SLC26A5: variants seen among roughly 807,000 people sequenced by gnomAD.
The protein encoded by SLC26A5 is prestin.
Under a neutral mutation model 81.0 loss-of-function variants are expected in SLC26A5, and 51 were observed. That is an observed-to-expected ratio of 0.63 (90% CI 0.50 to 0.80). The LOEUF (loss-of-function observed/expected upper bound fraction) is 0.80. SLC26A5 is among the 30% of genes least tolerant of loss of function. SLC26A5 has a pLI of 0.00. For missense variants in SLC26A5, 771 were observed against 905.8 expected (o/e 0.85, Z 1.91); for synonymous variants, 325 against 332.8 (o/e 0.98, Z 0.25).
intron 19 of SLC26A5, among the ~76,000 whole-genome samples, chr7:103,353,692 G>A (rs1417230424): frequency 1.7e-4 from 26 of 152,134 alleles, no homozygotes; most frequent in Admixed American, 1.7e-3. Context: ...TATAAAATAG[G>A]TCATCACGTA....
At chr7:103,385,503 C>T (rs919416931) in intron 14 of SLC26A5, among the ~76,000 whole-genome samples, 1 of 152,052 alleles carries the variant, frequency 6.6e-6, no homozygotes, top group East Asian at 1.9e-4. Context: ...ACCTCTACCC[C>T]TCTCCAGAAG....
chr7:103,377,920 T>C, intron 17 of SLC26A5, 121 bp from the exon 18 acceptor site: 1 of 890,632 alleles, frequency 1.1e-6, no homozygotes. Flanking sequence ...ACCAGACCCC[T>C]TGTAAAATAT....
intron 2 of SLC26A5, among the ~76,000 whole-genome samples, chr7:103,439,325 G>A (rs1826696432): frequency 6.6e-6 from 1 of 152,154 alleles, no homozygotes; most frequent in Non-Finnish European, 1.5e-5. Context: ...AGAGAACACA[G>A]GCTGCTGCTG....
chr7:103,355,746 T>C (rs1391038158), intron 19 of SLC26A5: 6 of 1,613,992 alleles, frequency 3.7e-6, no homozygotes, highest in Non-Finnish European at 5.1e-6. Flanking sequence ...GGGATTTGGC[T>C]GCAGATAAGC....
In SLC26A5 at chr7:103,410,461, T is replaced by A. The variant is rs890024187; in HGVS notation, c.659A>T (p.His220Leu). Residue 220 changes from histidine (H) to leucine (L), a missense_variant, in exon 7 of 20, where the codon CAT becomes CTT. Transcript: ENST00000306312. ...ATATTTTAACATGGAGGTGAAGACA[T>A]GCACAGCTGCTGCGGTGGTAAACCC... ...VRGFTTAAAV[H>L]VFTSMLKYLF... is the part of the protein sequence containing the mutation. 4 of 1,613,918 alleles carry A rather than the reference T, an allele frequency of 2.5e-6. No individual in the cohort carries two copies. Among genetic ancestry groups the A allele is most frequent in the Non-Finnish European group, 3.4e-6 (4 of 1,179,954 alleles).
At chr7:103,368,096 A>G (rs1398007627) in intron 19 of SLC26A5, 16 of 1,543,272 alleles carry the variant, frequency 1.0e-5, no homozygotes, top group Non-Finnish European at 1.4e-5. Flanking sequence ...TTGGAATCCT[A>G]ACCTTATATA....
chr7:103,411,354 A>G lies in SLC26A5; in HGVS notation c.570+66T>C. 4 of 1,589,780 alleles carry G rather than the reference A, an allele frequency of 2.5e-6. No individual in the cohort carries two copies. The Middle Eastern group carries it at 5.0e-4, about 199-fold the overall frequency. On this transcript the variant is annotated intron_variant, in intron 6 of 19. Transcript: ENST00000306312. ...CCACCGTGTAGTAAGACCAGCCAAG[A>G]GCACTCAGTAGATACTTGTTAGGTT...
intron 14 of SLC26A5, among the ~76,000 whole-genome samples, chr7:103,386,448 T>C (rs1236550304): frequency 6.6e-6 from 1 of 151,764 alleles, no homozygotes; most frequent in East Asian, 2.0e-4. Context: ...GCGCCTGTAG[T>C]CTCAGCTACT....
intron 4 of SLC26A5, among the ~76,000 whole-genome samples, chr7:103,415,496 G>C (rs945972712): frequency 6.6e-6 from 1 of 152,190 alleles, no homozygotes; most frequent in Non-Finnish European, 1.5e-5. Context: ...TGTGGGTACC[G>C]GGTGGGAGTA....
intron 8 of SLC26A5, among the ~76,000 whole-genome samples, chr7:103,399,721 G>C (rs1425981813): frequency 6.6e-6 from 1 of 152,044 alleles, no homozygotes; most frequent in Non-Finnish European, 1.5e-5. Flanking sequence ...TCCCTCCTCA[G>C]CCCCTGACCC....
chr7:103,366,068 C>A, intron 19 of SLC26A5: 1 of 1,590,906 alleles, frequency 6.3e-7, no homozygotes, highest in Non-Finnish European at 8.5e-7. Context: ...AATCATTTTT[C>A]TCATTAGGGG....
At chr7:103,413,311 T>C (rs1824657024) in intron 4 of SLC26A5, among the ~76,000 whole-genome samples, 199 bp from the exon 5 acceptor site, 1 of 152,184 alleles carries the variant, frequency 6.6e-6, no homozygotes, top group Non-Finnish European at 1.5e-5. Context: ...TGCATTGTCA[T>C]CTCCTTTTTG....
At chr7:103,390,287 G>C in intron 12 of SLC26A5, 142 bp downstream of exon 12, 1 of 789,940 alleles carries the variant, frequency 1.3e-6, no homozygotes, top group South Asian at 1.5e-5. Context: ...GCAGGATCTT[G>C]GTCCTAGCCT....
chr7:103,358,861 CTACAAGA>C (rs1312780345), intron 19 of SLC26A5, among the ~76,000 whole-genome samples: 1 of 152,114 alleles, frequency 6.6e-6, no homozygotes, highest in Non-Finnish European at 1.5e-5. Flanking sequence ...CCCTATACCC[CTACAAGA>C]TCCCAGGCCT....
At chr7:103,385,634 A>G (rs1459379521) in intron 14 of SLC26A5, among the ~76,000 whole-genome samples, 3 of 152,132 alleles carry the variant, frequency 2.0e-5, no homozygotes, top group Non-Finnish European at 4.4e-5. Context: ...CATAAAAAAT[A>G]TCAACTTCAG....
intron 8 of SLC26A5, among the ~76,000 whole-genome samples, chr7:103,398,271 G>A (rs1823307124): frequency 1.3e-5 from 2 of 152,108 alleles, no homozygotes; most frequent in South Asian, 4.2e-4. Context: ...AAGGCGTCTG[G>A]CTAGTTGACT....
At chr7:103,356,078 G>A (rs1049205625) in intron 19 of SLC26A5, among the ~76,000 whole-genome samples, 4 of 151,720 alleles carry the variant, frequency 2.6e-5, no homozygotes, top group Admixed American at 1.3e-4. Flanking sequence ...TTCCTCAAAC[G>A]TAACTACTGA....
At chr7:103,353,985 A>G (rs749535526) in intron 19 of SLC26A5, 1 of 1,523,190 alleles carries the variant, frequency 6.6e-7, no homozygotes, top group South Asian at 1.2e-5. Flanking sequence ...TCTACAAACT[A>G]TAGATGTTTT....
chr7:103,355,687 T>C, intron 19 of SLC26A5: 1 of 1,606,790 alleles, frequency 6.2e-7, no homozygotes. Context: ...CATCTTTCTC[T>C]ATGTAGGTAT....
Sources: allele counts gnomAD v4.1 joint callset (sites outside exome capture counted in the v4.1 genomes callset), GRCh38; gene constraint gnomAD v4.1.1; transcripts MANE v1.5; gene names NCBI Gene and HGNC (gene_info 2026-07-23, HGNC 2026-07-21).